Variants in LTO1 observed in about 807,000 individuals in gnomAD.
LTO1 encodes LTO1 maturation factor of ABCE1, also known as protein LTO1 homolog.
LTO1 carries 18 observed loss-of-function variants against 19.8 expected under a neutral mutation model. The ratio of observed to expected loss-of-function variants is 0.91; its 90% CI spans 0.63 to 1.35. LTO1 has a LOEUF of 1.35. Ranked by LOEUF, LTO1 falls within the 40% of genes most tolerant of loss-of-function variation. The pLI is 0.00. For synonymous variants in LTO1, 59 were observed against 59.6 expected (o/e 0.99, Z 0.05); for missense variants, 175 against 167.9 (o/e 1.04, Z -0.23).
At chr11:69,671,258 G>A (rs1463494418) in intron 3 of LTO1, 2 of 155,370 alleles carry the variant, frequency 1.3e-5, no homozygotes, top group Non-Finnish European at 2.9e-5. Context: ...ACTGAGTGTT[G>A]ACAAGTTCCA....
rs1164719084 is a variant in LTO1 at position 69,665,633 on chromosome 11, T to C, written c.*1886A>G. 1 of 152,124 alleles carries C rather than the reference T, an allele frequency of 6.6e-6. No individual in the cohort carries two copies. The highest frequency in any genetic ancestry group is 1.9e-4 in the East Asian group (1 of 5,188). 9.4% of individuals were successfully genotyped at this position (152,124 alleles called of 1,614,324 possible). ...TAATACATTATCAAAATAGACAACT[T>C]ACAAAACACAAAAATCCACCAAGGG... On this transcript the variant is annotated 3_prime_UTR_variant, in exon 5 of 5. Transcript: ENST00000279147.
intron 3 of LTO1, among the ~76,000 whole-genome samples, chr11:69,669,349 C>G (rs1355902449): frequency 6.6e-6 from 1 of 152,164 alleles, no homozygotes; most frequent in East Asian, 1.9e-4. Flanking sequence ...TCAAAGCAAC[C>G]AAGACCTCCT....
At chr11:69,675,005 G>A (rs773457896) in intron 1 of LTO1, 185 bp downstream of exon 1, 15 of 696,764 alleles carry the variant, frequency 2.2e-5, no homozygotes, top group African/African-American at 2.1e-4. Context: ...GCCGGAGCGG[G>A]CCAGGAGAAG....
Position 69,667,272 on chromosome 11 carries a change from G to T in LTO1, c.*247C>A. The T allele has an allele frequency of 1.8e-6, 1 of 544,724 alleles. No homozygotes were observed. Among genetic ancestry groups the T allele is most frequent in the Non-Finnish European group, 3.2e-6 (1 of 308,962 alleles). The allele number at this position is 544,724 out of a possible 1,614,324, so 33.7% of individuals were successfully genotyped here. A position where few individuals can be genotyped will look rare whatever the true frequency, so the allele number is the denominator to read the frequency against. On this transcript the variant is annotated 3_prime_UTR_variant, in exon 5 of 5. Coordinates refer to ENST00000279147, the MANE Select transcript of LTO1 (RefSeq NM_153451.3). Reference sequence around the variant, plus strand: ...CTGCCGGAGAGGCTGTCAAGTCAATGCACGAGGGCTCTGCCAGGGACGGCT... The same window carrying T: ...CTGCCGGAGAGGCTGTCAAGTCAATTCACGAGGGCTCTGCCAGGGACGGCT...
intron 3 of LTO1, among the ~76,000 whole-genome samples, chr11:69,669,446 A>G (rs905132607): frequency 3.3e-5 from 5 of 152,202 alleles, no homozygotes; most frequent in African/African-American, 1.2e-4. Flanking sequence ...AACCATGGCT[A>G]CCTCTCTGAG....
chr11:69,675,135 A>T, intron 1 of LTO1, 55 bp downstream of exon 1: 1 of 1,539,746 alleles, frequency 6.5e-7, no homozygotes, highest in Non-Finnish European at 8.9e-7. Flanking sequence ...CCGGCGGCGA[A>T]GCCGCTGGGA....
At position 69,667,534 on chromosome 11, in the gene LTO1, G is replaced by A. The variant is rs147305595; in HGVS notation, c.399C>T (p.Ser133=). Reference sequence around the variant, plus strand: ...TCCATCCTCCTCAAAATGAAAGTCCGGAACCTTCTGCACTAATTTTAAAGT... The same window carrying A: ...TCCATCCTCCTCAAAATGAAAGTCCAGAACCTTCTGCACTAATTTTAAAGT... The part of the protein sequence containing the change: ...QPDFKISAEG[S]GLSF The change falls in exon 5 of 5, where the codon TCC becomes TCT. Residue 133 remains serine (S), a synonymous_variant. Coordinates refer to ENST00000279147, the MANE Select transcript of LTO1 (RefSeq NM_153451.3). The A allele has an allele frequency of 6.2e-5, 99 of 1,609,186 alleles. 2 individuals carry two copies. The highest frequency in any genetic ancestry group is 3.5e-4 in the South Asian group (32 of 90,974).
At chr11:69,667,829 C>T (rs765734466) in intron 4 of LTO1, 66 bp downstream of exon 4, 25 of 898,248 alleles carry the variant, frequency 2.8e-5, no homozygotes, top group African/African-American at 2.4e-4. Context: ...CCCGGGAGTG[C>T]GCTGCCCCGC....
intron 3 of LTO1, among the ~76,000 whole-genome samples, chr11:69,668,671 T>A (rs1258166529): frequency 1.1e-5 from 1 of 93,698 alleles, no homozygotes; most frequent in African/African-American, 3.2e-5. Flanking sequence ...TTAATTTCTG[T>A]TTTGTTTTTT....
chr11:69,667,871 G>A lies in LTO1; in HGVS notation c.345+24C>T, dbSNP rs747042226. The A allele has an allele frequency of 2.7e-6, 3 of 1,115,672 alleles. No individual in the cohort carries two copies. In the Admixed American group the frequency reaches 5.1e-5, roughly 19 times the overall value. 69.1% of individuals were successfully genotyped at this position (1,115,672 alleles called of 1,614,324 possible). On this transcript the variant is annotated intron_variant, in intron 4 of 4. Transcript: ENST00000279147. ...AAGGCGCAATCAGGTGCTCCTAGCA[G>A]GAGGAAACACACAGTGCACGCACCT... is the stretch of plus-strand genomic sequence containing the variant.
At chr11:69,672,884 C>T (rs1380571187) in intron 2 of LTO1, 6 of 365,712 alleles carry the variant, frequency 1.6e-5, no homozygotes, top group Non-Finnish European at 3.2e-5. Context: ...CTTACCACAA[C>T]CTCTGCCTCC....
At chr11:69,672,283 C>T (rs1464994504) in intron 2 of LTO1, 1 of 167,844 alleles carries the variant, frequency 6.0e-6, no homozygotes, top group African/African-American at 2.4e-5. Flanking sequence ...CCAGTCAAGC[C>T]TTCAGGTGAC....
Position 69,667,877 on chromosome 11 carries a change from A to AAC in LTO1, c.345+16_345+17dup, listed in dbSNP as rs776515440. 6.0e-6 allele frequency: 7 copies of AAC among 1,159,300 alleles called. No homozygotes were observed. The highest frequency in any genetic ancestry group is 9.2e-6 in the Non-Finnish European group (7 of 764,274). The allele number at this position is 1,159,300 out of a possible 1,614,324, so 71.8% of individuals were successfully genotyped here. On this transcript the variant is annotated intron_variant, in intron 4 of 4. Coordinates refer to ENST00000279147, the MANE Select transcript of LTO1 (RefSeq NM_153451.3). ...CAATCAGGTGCTCCTAGCAGGAGGA[A>AAC]ACACACAGTGCACGCACCTGTTTAA...
intron 3 of LTO1, 50 bp from the exon 4 acceptor site, chr11:69,668,062 C>T (rs201673031): frequency 7.4e-5 from 64 of 869,138 alleles, no homozygotes; most frequent in Admixed American, 3.0e-4. Flanking sequence ...ACAACAGGCT[C>T]AACTTACACA....
rs1454983164 is a variant in LTO1, at chr11:69,671,348, G to A, written c.227+401C>T. 4 of 174,946 alleles carry A rather than the reference G, an allele frequency of 2.3e-5. No homozygotes were observed. The South Asian group carries it at 5.6e-4, about 24-fold the overall frequency. 10.8% of individuals were successfully genotyped at this position (174,946 alleles called of 1,614,324 possible). A position where few individuals can be genotyped will look rare whatever the true frequency, so the allele number is the denominator to read the frequency against. On this transcript the variant is annotated intron_variant, in intron 3 of 4. Coordinates refer to ENST00000279147, the MANE Select transcript of LTO1 (RefSeq NM_153451.3). ...ACATTAAAAAACTGATGACACTGGT[G>A]TCCTCATCTCTGAGCCCAAGTGATA...
chr11:69,665,830 C>G lies in LTO1; in HGVS notation c.*1689G>C, dbSNP rs572570450. The stretch of plus-strand genomic sequence containing the variant: ...CAGCCACACACGCAGGTTTAGAGTT[C>G]GGGAGGAGGAGACCTAAGTCCTGTC... On this transcript the variant is annotated 3_prime_UTR_variant, in exon 5 of 5. Coordinates refer to ENST00000279147, the MANE Select transcript of LTO1 (RefSeq NM_153451.3). 5.9e-5 allele frequency: 9 copies of G among 152,064 alleles called. No individual in the cohort carries two copies. The highest frequency in any genetic ancestry group is 1.0e-4 in the Non-Finnish European group (7 of 68,032). The allele number at this position is 152,064 out of a possible 1,614,324, so 9.4% of individuals were successfully genotyped here.
At chr11:69,668,139 A>T in intron 3 of LTO1, 127 bp from the exon 4 acceptor site, 1 of 664,702 alleles carries the variant, frequency 1.5e-6, no homozygotes, top group East Asian at 2.5e-5. Context: ...CAAAAGCTGG[A>T]TGATTATTTT....
In LTO1 at chr11:69,667,136, C is replaced by T. The variant is rs1326449839; in HGVS notation, c.*383G>A. 3 of 190,618 alleles carry T rather than the reference C, an allele frequency of 1.6e-5. No homozygotes were observed. Among genetic ancestry groups the T allele is most frequent in the Non-Finnish European group, 3.2e-5 (3 of 94,130 alleles). The allele number at this position is 190,618 out of a possible 1,614,324, so 11.8% of individuals were successfully genotyped here. On this transcript the variant is annotated 3_prime_UTR_variant, in exon 5 of 5. Coordinates refer to ENST00000279147, the MANE Select transcript of LTO1 (RefSeq NM_153451.3). ...CCCATGAGCCTCATTCGGGGCCAACCATCTCTCTCATTGCAAATAATAATA... is the reference window on the plus strand; with the variant it reads ...CCCATGAGCCTCATTCGGGGCCAACTATCTCTCTCATTGCAAATAATAATA...
At chr11:69,674,941 G>A (rs1005454984) in intron 1 of LTO1, 20 of 688,730 alleles carry the variant, frequency 2.9e-5, no homozygotes, top group Non-Finnish European at 4.8e-5. Flanking sequence ...GCAGATGTTT[G>A]GGGCAGCCCT....
Sources: allele counts gnomAD v4.1 joint callset (sites outside exome capture counted in the v4.1 genomes callset), GRCh38; gene constraint gnomAD v4.1.1; transcripts MANE v1.5; gene names NCBI Gene and HGNC (gene_info 2026-07-23, HGNC 2026-07-21).